Variants in MYO3A observed in about 807,000 individuals in gnomAD.
The protein encoded by MYO3A is myosin IIIA.
Under a neutral mutation model 192.7 loss-of-function variants are expected in MYO3A, and 180 were observed. The ratio of observed to expected loss-of-function variants is 0.93; its 90% CI spans 0.83 to 1.06. MYO3A has a LOEUF of 1.06. MYO3A is among the 50% of genes least tolerant of loss of function. The pLI is 0.00. For synonymous variants in MYO3A, 628 were observed against 645.3 expected (o/e 0.97, Z 0.41); for missense variants, 1,896 against 1,905.0 (o/e 1.00, Z 0.09).
intron 2 of MYO3A, among the ~76,000 whole-genome samples, chr10:25,937,211 G>A (rs1325423521): frequency 6.6e-6 from 1 of 152,206 alleles, no homozygotes; most frequent in East Asian, 1.9e-4. Context: ...GCAGAAGCCA[G>A]GATGAGTTGC....
rs1281416040 is a variant in MYO3A at position 26,109,773 on chromosome 10, T to C, written c.1777-10903T>C. ...ACTCTTTCCTGGCTACTTTTACAGGTCCAGAATTTAGAATCTCTCATTGAA... is the reference window on the plus strand; with the variant it reads ...ACTCTTTCCTGGCTACTTTTACAGGCCCAGAATTTAGAATCTCTCATTGAA... On this transcript the variant is annotated intron_variant, in intron 17 of 34. Transcript: ENST00000642920. Among the ~76,000 whole-genome samples, 3 of 152,178 alleles carry C rather than the reference T, an allele frequency of 2.0e-5. No individual in the cohort carries two copies. In the East Asian group the frequency reaches 5.8e-4, roughly 29 times the overall value.
chr10:26,185,683 C>G (rs188542906), intron 31 of MYO3A, among the ~76,000 whole-genome samples: 8 of 152,180 alleles, frequency 5.3e-5, no homozygotes, highest in African/African-American at 1.7e-4. Flanking sequence ...TTTTCTTTTT[C>G]TCTTTTTTTT....
intron 6 of MYO3A, among the ~76,000 whole-genome samples, chr10:26,003,508 G>T (rs6482526): frequency 6.6e-6 from 1 of 151,930 alleles, no homozygotes; most frequent in African/African-American, 2.4e-5. Flanking sequence ...ATTAAGTGGG[G>T]TATACTTTTA....
chr10:26,119,352 C>T (rs1046533133), intron 17 of MYO3A, among the ~76,000 whole-genome samples: 22 of 152,138 alleles, frequency 1.4e-4, no homozygotes, highest in African/African-American at 5.3e-4. Flanking sequence ...CCAAGGAAAC[C>T]AGGATCTTTA....
At chr10:25,985,545 A>G (rs1039117061) in intron 4 of MYO3A, among the ~76,000 whole-genome samples, 2 of 152,224 alleles carry the variant, frequency 1.3e-5, no homozygotes, top group Non-Finnish European at 2.9e-5. Context: ...ACAAAAGATT[A>G]TTCAAGGATA....
intron 14 of MYO3A, among the ~76,000 whole-genome samples, chr10:26,072,347 A>G (rs12260321): frequency 0.47 from 72,074 of 151,910 alleles, 17,889 homozygotes; most frequent in Middle Eastern, 0.59. Context: ...CTGCGCAGGA[A>G]GCCAATGACT....
intron 7 of MYO3A, 79 bp downstream of exon 7, chr10:26,016,975 T>C: frequency 7.2e-7 from 1 of 1,382,142 alleles, no homozygotes; most frequent in Non-Finnish European, 1.0e-6. Context: ...TCTATCTCTG[T>C]AAGCATTTTG....
At position 26,026,505 on chromosome 10, in the gene MYO3A, A is replaced by G. The variant is rs1842552688; in HGVS notation, c.926A>G (p.Gln309Arg). ...CTAACGGAATTCATTGGCATCCATC[A>G]ATGCATGGGAGGCACAGAAAAGGCC... ...KQLTEFIGIHQCMGGTEKARR... is the reference protein window; with the variant it reads ...KQLTEFIGIHRCMGGTEKARR... The change falls in exon 10 of 35, where the codon CAA becomes CGA. Residue 309 changes from glutamine to arginine, a missense_variant. Physicochemically the swap from Gln to Arg is conservative, Grantham distance 43 (BLOSUM62 1). Coordinates refer to ENST00000642920, the MANE Select transcript of MYO3A (RefSeq NM_017433.5). 2 of 1,614,152 alleles carry G rather than the reference A, an allele frequency of 1.2e-6. No individual in the cohort carries two copies. Among genetic ancestry groups the G allele is most frequent in the South Asian group, 2.2e-5 (2 of 91,088 alleles).
rs1841997740 is a variant in MYO3A at position 26,170,538 on chromosome 10, A to G, written c.3397A>G (p.Arg1133Gly). 6.2e-7 allele frequency: 1 copy of G among 1,609,326 alleles called. No individual in the cohort carries two copies. Among genetic ancestry groups the G allele is most frequent in the Non-Finnish European group, 8.5e-7 (1 of 1,177,424 alleles). ...FDYKKNFENTRESFVKKQAEN... is the reference protein window; with the variant it reads ...FDYKKNFENTGESFVKKQAEN... ...CTACAAGAAAAACTTTGAAAATACA[A>G]GGTATAATGATGTTCATTCTTATAC... The change falls in exon 29 of 35, where the codon AGG becomes GGG. Residue 1133 changes from arginine to glycine, a missense_variant and splice_region_variant. Transcript: ENST00000642920.
Position 26,143,529 on chromosome 10 carries a change from A to G in MYO3A, c.2344A>G (p.Lys782Glu). The G allele has an allele frequency of 6.2e-7, 1 of 1,614,062 alleles. No individual in the cohort carries two copies. The highest frequency in any genetic ancestry group is 8.5e-7 in the Non-Finnish European group (1 of 1,179,954). Reference sequence around the variant, plus strand: ...GCCCCTCTTAGATATGTTTCTGCAAAAGCCAATGGGTTTACTTTCCCTACT... The same window carrying G: ...GCCCCTCTTAGATATGTTTCTGCAAGAGCCAATGGGTTTACTTTCCCTACT... The part of the protein sequence containing the change: ...NWPLLDMFLQ[K>E]PMGLLSLLDE... The change falls in exon 21 of 35, where the codon AAG becomes GAG. Residue 782 changes from lysine (K) to glutamate (E), a missense_variant. By Grantham distance (56) the Lys-to-Glu change is moderately conservative. Coordinates refer to ENST00000642920, the MANE Select transcript of MYO3A (RefSeq NM_017433.5).
chr10:25,956,152 G>A (rs1396611833), intron 4 of MYO3A, among the ~76,000 whole-genome samples: 1 of 152,092 alleles, frequency 6.6e-6, no homozygotes, highest in African/African-American at 2.4e-5. Flanking sequence ...TCTTAAAACC[G>A]CATTCATGAG....
rs77865191 is a variant in MYO3A, at chr10:26,030,542, T to G, written c.953+4010T>G. Among the ~76,000 whole-genome samples the G allele has an allele frequency of 4.3e-4, 66 of 152,306 alleles. 1 individual carries two copies. In the East Asian group the frequency reaches 0.012, roughly 28 times the overall value. On this transcript the variant is annotated intron_variant, in intron 10 of 34. Coordinates refer to ENST00000642920, the MANE Select transcript of MYO3A (RefSeq NM_017433.5). ...AAGAAAACAGGCTTGGTTATGCCACTGGCAACACATTAAACAAAAGCTGTC... is the reference window on the plus strand; with the variant it reads ...AAGAAAACAGGCTTGGTTATGCCACGGGCAACACATTAAACAAAAGCTGTC...
Position 26,143,431 on chromosome 10 carries a change from T to G in MYO3A, c.2263-17T>G. On this transcript the variant is annotated splice_polypyrimidine_tract_variant and intron_variant, in intron 20 of 34. Coordinates refer to ENST00000642920, the MANE Select transcript of MYO3A (RefSeq NM_017433.5). ...ATATATTATTCACAGTTTTAAGTGGTTTTGTCTTTATTATAGAATGAATAC... is the reference window on the plus strand; with the variant it reads ...ATATATTATTCACAGTTTTAAGTGGGTTTGTCTTTATTATAGAATGAATAC... The G allele has an allele frequency of 1.2e-6, 2 of 1,601,406 alleles. No homozygotes were observed. The highest frequency in any genetic ancestry group is 1.7e-6 in the Non-Finnish European group (2 of 1,168,776).
At chr10:25,981,956 G>A (rs1251801971) in intron 4 of MYO3A, among the ~76,000 whole-genome samples, 1 of 152,172 alleles carries the variant, frequency 6.6e-6, no homozygotes, top group Non-Finnish European at 1.5e-5. Context: ...CTGTGAGTCT[G>A]CTTGCTTTCT....
rs563127423 is a variant in MYO3A at position 26,056,289 on chromosome 10, G to A, written c.954-10686G>A. 1.0e-3 allele frequency among the ~76,000 whole-genome samples: 156 copies of A among 152,210 alleles called. 1 individual carries two copies. The highest frequency in any genetic ancestry group is 3.4e-3 in the Middle Eastern group (1 of 294). On this transcript the variant is annotated intron_variant, in intron 10 of 34. Coordinates refer to ENST00000642920, the MANE Select transcript of MYO3A (RefSeq NM_017433.5). ...CAATAGAAATGTCTGAAATGGAAAG[G>A]CAATGAGAAAAAAGATTGAAAAACT...
At chr10:25,978,553 A>G (rs1280644579) in intron 4 of MYO3A, among the ~76,000 whole-genome samples, 1 of 152,192 alleles carries the variant, frequency 6.6e-6, no homozygotes, top group Non-Finnish European at 1.5e-5. Context: ...CAACACATGG[A>G]AATTGAAGAT....
In MYO3A at chr10:26,033,929, C is replaced by T. The variant is rs77562575; in HGVS notation, c.953+7397C>T. On this transcript the variant is annotated intron_variant, in intron 10 of 34. Coordinates refer to ENST00000642920, the MANE Select transcript of MYO3A (RefSeq NM_017433.5). ...ACAGAAAGGCAAGCATTTAATCAAG[C>T]TGTAAGGGGAAAACCCAGAAATAGG... is the stretch of plus-strand genomic sequence containing the variant. Among the ~76,000 whole-genome samples, 1,194 of 152,160 alleles carry T rather than the reference C, an allele frequency of 7.8e-3. 5 individuals carry two copies. Among genetic ancestry groups the T allele is most frequent in the Non-Finnish European group, 0.011 (739 of 68,006 alleles).
chr10:25,964,447 TACAA>T (rs1273195872), intron 4 of MYO3A, among the ~76,000 whole-genome samples: 3 of 152,164 alleles, frequency 2.0e-5, no homozygotes, highest in Non-Finnish European at 2.9e-5. Flanking sequence ...ACTTTGCATA[TACAA>T]ACAAACAAGC....
At chr10:26,029,776 T>A (rs1842725788) in intron 10 of MYO3A, among the ~76,000 whole-genome samples, 1 of 152,236 alleles carries the variant, frequency 6.6e-6, no homozygotes, top group Admixed American at 6.5e-5. Context: ...ACAGGTGAAT[T>A]GTCCTGATTA....
Sources: allele counts gnomAD v4.1 joint callset (sites outside exome capture counted in the v4.1 genomes callset), GRCh38; gene constraint gnomAD v4.1.1; transcripts MANE v1.5; gene names NCBI Gene and HGNC (gene_info 2026-07-23, HGNC 2026-07-21).